The following ZDHHC23 variants were observed in gnomAD, a reference collection of about 807,000 sequenced individuals.
The protein encoded by ZDHHC23 is palmitoyltransferase ZDHHC23.
In ZDHHC23, 41 loss-of-function variants were observed where a neutral mutation model predicts 40.2. That is an observed-to-expected ratio of 1.02 (90% CI 0.79 to 1.32). The LOEUF (loss-of-function observed/expected upper bound fraction) is 1.32, where lower values mean the gene tolerates loss of function less well. Among genes scored for constraint, ZDHHC23 ranks in the 40% most tolerant of loss-of-function variants. The pLI, the probability that ZDHHC23 is intolerant of heterozygous loss-of-function variation, is 0.00. For synonymous variants in ZDHHC23, 204 were observed against 210.2 expected (o/e 0.97, Z 0.26); for missense variants, 471 against 541.5 (o/e 0.87, Z 1.29).
At chr3:113,952,797 C>A (rs1031494560) in intron 2 of ZDHHC23, among the ~76,000 whole-genome samples, 7 of 152,184 alleles carry the variant, frequency 4.6e-5, no homozygotes, top group Admixed American at 3.3e-4. Context: ...ATAGACAGCA[C>A]CTTCTTGCTG....
At chr3:113,955,287 C>G (rs1027939909) in intron 3 of ZDHHC23, among the ~76,000 whole-genome samples, 10 of 152,052 alleles carry the variant, frequency 6.6e-5, no homozygotes, top group African/African-American at 2.4e-4. Context: ...CAGCTCTTTT[C>G]TGGGTCCTTG....
the ZDHHC23 span, among the ~76,000 whole-genome samples, chr3:113,976,519 T>C: frequency 6.8e-4 from 103 of 152,078 alleles, no homozygotes; most frequent in African/African-American, 2.3e-3. Flanking sequence ...TCAGATGAGA[T>C]GGTTTGTGCA....
At chr3:113,974,063 T>C in the ZDHHC23 span, among the ~76,000 whole-genome samples, 2 of 152,168 alleles carry the variant, frequency 1.3e-5, no homozygotes, top group East Asian at 3.9e-4. Context: ...CATTTGGCTG[T>C]TGAAAACATC....
At chr3:113,965,839 C>A (rs1448517485), downstream of ZDHHC23, among the ~76,000 whole-genome samples, 2 of 152,036 alleles carry the variant, frequency 1.3e-5, no homozygotes, top group African/African-American at 4.8e-5. Flanking sequence ...AAGTGATCTG[C>A]CTGCCTTGGC....
rs1453798101 is a variant in ZDHHC23 at position 113,962,344 on chromosome 3, T to C, written c.*3714T>C. ...TTCAGCTGGCACTAAGTGTTTTCAT[T>C]GTAGGATCAGCAGCAGGTTAAAGAC... On this transcript the variant is annotated 3_prime_UTR_variant, in exon 5 of 5. Transcript: ENST00000638807. The C allele has an allele frequency of 1.3e-5, 2 of 152,202 alleles. No individual in the cohort carries two copies. Among genetic ancestry groups the C allele is most frequent in the Admixed American group, 1.3e-4 (2 of 15,280 alleles). 9.4% of individuals were successfully genotyped at this position (152,202 alleles called of 1,614,324 possible).
At chr3:113,965,743 C>T (rs906797203), downstream of ZDHHC23, among the ~76,000 whole-genome samples, 1 of 152,078 alleles carries the variant, frequency 6.6e-6, no homozygotes, top group Non-Finnish European at 1.5e-5. Flanking sequence ...GTGCCTGCCA[C>T]CATGCCTGGC....
At chr3:113,952,144 A>C (rs924710426) in intron 2 of ZDHHC23, among the ~76,000 whole-genome samples, 1 of 152,186 alleles carries the variant, frequency 6.6e-6, no homozygotes, top group African/African-American at 2.4e-5. Context: ...TCTCAAAAAA[A>C]AAAAAATTTC....
downstream of ZDHHC23, among the ~76,000 whole-genome samples, chr3:113,967,127 A>C (rs1940266265): frequency 6.6e-6 from 1 of 151,894 alleles, no homozygotes; most frequent in Non-Finnish European, 1.5e-5. Flanking sequence ...AAAAAAGAAA[A>C]AGGCTCCAAG....
chr3:113,955,935 C>T (rs953664742), intron 3 of ZDHHC23, among the ~76,000 whole-genome samples: 38 of 152,184 alleles, frequency 2.5e-4, no homozygotes, highest in African/African-American at 8.2e-4. Context: ...CTGGAATTTA[C>T]ATTTTCCCTA....
intron 3 of ZDHHC23, among the ~76,000 whole-genome samples, chr3:113,955,391 T>TGTGTGTGTGTGC (rs58421915): frequency 1.4e-4 from 21 of 149,174 alleles, no homozygotes; most frequent in African/African-American, 4.5e-4. Context: ...TGTGTGTGTG[T>TGTGTGTGTGTGC]GCGTGTGTGT....
rs1381240489 is a variant in ZDHHC23, at chr3:113,948,761, C to T, written c.-42C>T. On this transcript the variant is annotated 5_prime_UTR_variant, in exon 2 of 5. Transcript: ENST00000638807. The stretch of plus-strand genomic sequence containing the variant: ...TAAGTTGTGTTCTTTCCACCTTTAC[C>T]TTCTGAGGGCTTCTTACGCCTCATG... 8 of 1,612,160 alleles carry T rather than the reference C, an allele frequency of 5.0e-6. No homozygotes were observed. Among genetic ancestry groups the T allele is most frequent in the Admixed American group, 1.7e-5 (1 of 59,692 alleles).
chr3:113,979,127 C>A, the ZDHHC23 span: 1 of 923,952 alleles, frequency 1.1e-6, no homozygotes, highest in Non-Finnish European at 1.6e-6. Context: ...AGAGAATAAT[C>A]TGAAGGTACA....
In ZDHHC23 at chr3:113,961,962, GT is replaced by G. The variant is rs932842203; in HGVS notation, c.*3336del. The G allele has an allele frequency of 6.6e-6, 1 of 152,558 alleles. No homozygotes were observed. The highest frequency in any genetic ancestry group is 2.4e-5 in the African/African-American group (1 of 41,418). The allele number at this position is 152,558 out of a possible 1,614,324, so 9.5% of individuals were successfully genotyped here. A position where few individuals can be genotyped will look rare whatever the true frequency, so the allele number is the denominator to read the frequency against. On this transcript the variant is annotated 3_prime_UTR_variant, in exon 5 of 5. Coordinates refer to ENST00000638807, the MANE Select transcript of ZDHHC23 (RefSeq NM_001320466.2). Reference sequence around the variant, plus strand: ...TTAGCCAGGATGTTTAAAAATTACAGTTTTGTGAGACTTAAGGGTCTTTTTA... The same window carrying G: ...TTAGCCAGGATGTTTAAAAATTACAGTTTGTGAGACTTAAGGGTCTTTTTA...
Position 113,958,996 on chromosome 3 carries a change from C to T in ZDHHC23, c.*366C>T. 3 of 1,142,630 alleles carry T rather than the reference C, an allele frequency of 2.6e-6. No homozygotes were observed. Among genetic ancestry groups the T allele is most frequent in the Non-Finnish European group, 3.3e-6 (3 of 901,288 alleles). The allele number at this position is 1,142,630 out of a possible 1,614,324, so 70.8% of individuals were successfully genotyped here. A position where few individuals can be genotyped will look rare whatever the true frequency, so the allele number is the denominator to read the frequency against. The stretch of plus-strand genomic sequence containing the variant: ...TAGTCCCTCTTTCGATTCTTAATAG[C>T]CATGTGACCCCTAGCTGAGTCACTT... On this transcript the variant is annotated 3_prime_UTR_variant, in exon 5 of 5. Coordinates refer to ENST00000638807, the MANE Select transcript of ZDHHC23 (RefSeq NM_001320466.2).
downstream of ZDHHC23, chr3:113,964,456 G>A (rs1347620739): frequency 1.3e-5 from 2 of 152,170 alleles, no homozygotes; most frequent in Admixed American, 6.5e-5. Flanking sequence ...CAAACTGAGT[G>A]TATTATTCAG....
chr3:113,958,848 T>C lies in ZDHHC23; in HGVS notation c.*218T>C. On this transcript the variant is annotated 3_prime_UTR_variant, in exon 5 of 5. Coordinates refer to ENST00000638807, the MANE Select transcript of ZDHHC23 (RefSeq NM_001320466.2). The stretch of plus-strand genomic sequence containing the variant: ...TAAAAGTAGAGCCATTCCTTTCCAG[T>C]CACCTTTTTAATTGACTCAGTTGCC... 1 of 1,368,530 alleles carries C rather than the reference T, an allele frequency of 7.3e-7. No individual in the cohort carries two copies. Among genetic ancestry groups the C allele is most frequent in the Non-Finnish European group, 9.6e-7 (1 of 1,042,432 alleles). The allele number at this position is 1,368,530 out of a possible 1,614,324, so 84.8% of individuals were successfully genotyped here. A position where few individuals can be genotyped will look rare whatever the true frequency, so the allele number is the denominator to read the frequency against.
chr3:113,955,394 G>GCA (rs1939116134), intron 3 of ZDHHC23, among the ~76,000 whole-genome samples: 2 of 151,392 alleles, frequency 1.3e-5, no homozygotes, highest in Admixed American at 6.6e-5. Context: ...GTGTGTGTGC[G>GCA]TGTGTGTTCC....
At chr3:113,972,587 T>C in the ZDHHC23 span, among the ~76,000 whole-genome samples, 1 of 152,168 alleles carries the variant, frequency 6.6e-6, no homozygotes, top group Non-Finnish European at 1.5e-5. Flanking sequence ...GTCAGACCTA[T>C]TTGGCCTGGT....
chr3:113,968,884 G>T (rs534082265), downstream of ZDHHC23, among the ~76,000 whole-genome samples: 2 of 152,072 alleles, frequency 1.3e-5, no homozygotes, highest in African/African-American at 4.8e-5. Context: ...CCTGAGGCTG[G>T]GTAATTTATT....
Sources: gnomAD v4.1 joint callset for allele counts (sites outside exome capture counted in the v4.1 genomes callset) on GRCh38, gnomAD v4.1.1 for gene constraint, MANE v1.5 for transcripts, NCBI Gene and HGNC (gene_info 2026-07-23, HGNC 2026-07-21) for gene names.